The following SIRPA variants were observed in gnomAD, a reference collection of about 807,000 sequenced individuals.
SIRPA encodes signal regulatory protein alpha.
A neutral mutation model predicts 50.3 loss-of-function variants in SIRPA; 9 were observed. That is an observed-to-expected ratio of 0.18 (90% CI 0.11 to 0.31). SIRPA has a LOEUF of 0.31. SIRPA is among the 10% of genes least tolerant of loss of function. The pLI is 1.00. For synonymous variants in SIRPA, 265 were observed against 284.1 expected (o/e 0.93, Z 0.68); for missense variants, 474 against 661.6 (o/e 0.72, Z 3.11).
chr20:1,938,291 T>A lies in SIRPA; in HGVS notation c.*723T>A, dbSNP rs1399021100. The A allele has an allele frequency of 6.6e-6, 1 of 152,580 alleles. No individual in the cohort carries two copies. Among genetic ancestry groups the A allele is most frequent in the East Asian group, 1.9e-4 (1 of 5,190 alleles). 9.5% of individuals were successfully genotyped at this position (152,580 alleles called of 1,614,324 possible). A position where few individuals can be genotyped will look rare whatever the true frequency, so the allele number is the denominator to read the frequency against. ...CTGTGTTGCTCCACCCGGACCCATC[T>A]CTCCCTTCTAGACCTGAGCTTGCCC... is the stretch of plus-strand genomic sequence containing the variant. On this transcript the variant is annotated 3_prime_UTR_variant, in exon 8 of 8. Coordinates refer to ENST00000358771, the MANE Select transcript of SIRPA (RefSeq NM_001040023.2).
chr20:1,916,739 C>T (rs746574273), intron 2 of SIRPA, among the ~76,000 whole-genome samples: 5 of 152,212 alleles, frequency 3.3e-5, no homozygotes, highest in East Asian at 3.9e-4. Context: ...TTGATGGATA[C>T]GTAACTTGTC....
intron 1 of SIRPA, among the ~76,000 whole-genome samples, chr20:1,909,323 GCA>G (rs1984743296): frequency 6.6e-6 from 1 of 152,230 alleles, no homozygotes; most frequent in Non-Finnish European, 1.5e-5. Context: ...GTGGCAGTGA[GCA>G]CCCGCCTGGG....
In SIRPA at chr20:1,927,732, T is replaced by TG; in HGVS notation, c.1202-138dup. ...GAAGAGGATGCCCACTGGGTGGGCA[T>TG]GGGGGTCTCCTGTGGTTCCAAGGAT... On this transcript the variant is annotated intron_variant, in intron 5 of 7. Coordinates refer to ENST00000358771, the MANE Select transcript of SIRPA (RefSeq NM_001040023.2). This position sits in a 1 kb window ranked among gnomAD's most constrained non-coding sequence, Gnocchi z 6.5. The TG allele has an allele frequency of 1.3e-6, 1 of 751,936 alleles. No individual in the cohort carries two copies. Among genetic ancestry groups the TG allele is most frequent in the Non-Finnish European group, 2.4e-6 (1 of 417,114 alleles). The allele number at this position is 751,936 out of a possible 1,614,324, so 46.6% of individuals were successfully genotyped here. A position where few individuals can be genotyped will look rare whatever the true frequency, so the allele number is the denominator to read the frequency against.
rs1423155589 is a variant in SIRPA, at chr20:1,921,385, C to A, written c.437-10C>A. On this transcript the variant is annotated splice_polypyrimidine_tract_variant and intron_variant, in intron 2 of 7. Transcript: ENST00000358771. Reference sequence around the variant, plus strand: ...GTCATGTCTCCTGATTATCGATGGTCCTTTTGTAGCCAAACCCTCTGCCCC... The same window carrying A: ...GTCATGTCTCCTGATTATCGATGGTACTTTTGTAGCCAAACCCTCTGCCCC... 6.2e-7 allele frequency: 1 copy of A among 1,612,168 alleles called. No individual in the cohort carries two copies. The highest frequency in any genetic ancestry group is 1.3e-5 in the African/African-American group (1 of 74,878).
chr20:1,905,498 T>A (rs1984492537), intron 1 of SIRPA, among the ~76,000 whole-genome samples: 1 of 152,192 alleles, frequency 6.6e-6, no homozygotes, highest in African/African-American at 2.4e-5. Context: ...GCCTAACCCA[T>A]GCATTTCCCC....
chr20:1,903,011 C>CAAAAAAAAAAAA (rs58735842), intron 1 of SIRPA, among the ~76,000 whole-genome samples: 3 of 90,892 alleles, frequency 3.3e-5, no homozygotes, highest in Non-Finnish European at 4.4e-5. Flanking sequence ...GACTCTGTCT[C>CAAAAAAAAAAAA]AAAAAAAAAA....
intron 1 of SIRPA, among the ~76,000 whole-genome samples, chr20:1,913,532 C>T (rs1052083069): frequency 6.6e-6 from 1 of 152,116 alleles, no homozygotes; most frequent in African/African-American, 2.4e-5. Flanking sequence ...CAAAGGTGGC[C>T]CAGGTCAGGG....
At chr20:1,905,587 C>CT (rs1984498655) in intron 1 of SIRPA, among the ~76,000 whole-genome samples, 1 of 152,194 alleles carries the variant, frequency 6.6e-6, no homozygotes, top group Non-Finnish European at 1.5e-5. Flanking sequence ...GACCTCCCAA[C>CT]CTCAGCCTCT....
At chr20:1,909,935 T>A (rs1019448375) in intron 1 of SIRPA, among the ~76,000 whole-genome samples, 1 of 152,222 alleles carries the variant, frequency 6.6e-6, no homozygotes, top group Non-Finnish European at 1.5e-5. Context: ...CCCCATCTTA[T>A]TGCATCTCTC....
chr20:1,914,416 A>C (rs944458321), intron 1 of SIRPA, among the ~76,000 whole-genome samples: 10 of 152,264 alleles, frequency 6.6e-5, no homozygotes, highest in Non-Finnish European at 1.0e-4. Context: ...GGTCATAGTA[A>C]CTATTTTACA....
At chr20:1,903,841 T>A (rs2123006422) in intron 1 of SIRPA, among the ~76,000 whole-genome samples, 1 of 152,330 alleles carries the variant, frequency 6.6e-6, no homozygotes, top group African/African-American at 2.4e-5. Flanking sequence ...CAAATCTGCC[T>A]GTTGCCTAGT....
intron 6 of SIRPA, among the ~76,000 whole-genome samples, chr20:1,929,216 G>A (rs1986161843): frequency 6.6e-6 from 1 of 152,102 alleles, no homozygotes; most frequent in South Asian, 2.1e-4. Context: ...TGTTTTAAAA[G>A]TGTCGCCTGG....
At chr20:1,902,220 G>C (rs1037577083) in intron 1 of SIRPA, among the ~76,000 whole-genome samples, 1 of 152,000 alleles carries the variant, frequency 6.6e-6, no homozygotes, top group Non-Finnish European at 1.5e-5. Context: ...GCTAAACATG[G>C]GGTATCATTT....
chr20:1,922,673 C>A, intron 4 of SIRPA, 28 bp downstream of exon 4: 1 of 1,562,954 alleles, frequency 6.4e-7, no homozygotes, highest in Non-Finnish European at 8.6e-7. Context: ...GCTGACCCAG[C>A]TTTTTTAAAC....
chr20:1,899,218 CAAAA>C (rs1372660039), intron 1 of SIRPA, among the ~76,000 whole-genome samples: 1 of 149,110 alleles, frequency 6.7e-6, no homozygotes, highest in Non-Finnish European at 1.5e-5. Flanking sequence ...AAAAAAAAAA[CAAAA>C]AAACACAAAG....
At chr20:1,929,059 C>A (rs895505509) in intron 6 of SIRPA, among the ~76,000 whole-genome samples, 10 of 152,112 alleles carry the variant, frequency 6.6e-5, no homozygotes, top group Non-Finnish European at 1.3e-4. Context: ...TGCATAGTGC[C>A]AATCTTTTGA....
chr20:1,899,824 T>C (rs140067135), intron 1 of SIRPA, among the ~76,000 whole-genome samples: 64 of 152,366 alleles, frequency 4.2e-4, no homozygotes, highest in African/African-American at 1.5e-3. Flanking sequence ...AAAAGAGGAA[T>C]GGTATTAACC....
chr20:1,906,146 C>G (rs970771207), intron 1 of SIRPA, among the ~76,000 whole-genome samples: 1 of 152,170 alleles, frequency 6.6e-6, no homozygotes, highest in Non-Finnish European at 1.5e-5. Flanking sequence ...TTATCATCAT[C>G]ATCATCATCA....
At position 1,921,451 on chromosome 20, in the gene SIRPA, A is replaced by G. The variant is rs970024482; in HGVS notation, c.493A>G (p.Thr165Ala). The G allele has an allele frequency of 1.6e-5, 26 of 1,613,720 alleles. No homozygotes were observed. The highest frequency in any genetic ancestry group is 2.7e-5 in the African/African-American group (2 of 74,892). ...GPAARATPQHTVSFTCESHGF... is the reference protein window; with the variant it reads ...GPAARATPQHAVSFTCESHGF... Reference sequence around the variant, plus strand: ...TGCGGCGAGGGCCACACCTCAGCACACAGTGAGCTTCACCTGCGAGTCCCA... The same window carrying G: ...TGCGGCGAGGGCCACACCTCAGCACGCAGTGAGCTTCACCTGCGAGTCCCA... Residue 165 changes from threonine (T) to alanine (A), a missense_variant, in exon 3 of 8, where the codon ACA becomes GCA. By Grantham distance (58) the Thr-to-Ala change is moderately conservative. Around this residue, in one of 4 missense-constraint regions of SIRPA, gnomAD observed 221 missense variants for 359.9 expected, o/e 0.61. Transcript: ENST00000358771.
Sources: gnomAD v4.1 joint callset for allele counts (sites outside exome capture counted in the v4.1 genomes callset) on GRCh38, gnomAD v4.1.1 for gene constraint, gnomAD v4.1.1 regional missense constraint, Gnocchi (gnomAD v3.1) non-coding constraint, MANE v1.5 for transcripts, NCBI Gene and HGNC (gene_info 2026-07-23, HGNC 2026-07-21) for gene names.